The following SMYD3 variants were observed in gnomAD, a reference collection of about 807,000 sequenced individuals.
The protein encoded by SMYD3 is SET and MYND domain containing 3.
In SMYD3, 36 loss-of-function variants were observed where a neutral mutation model predicts 57.7. That is an observed-to-expected ratio of 0.62 (90% confidence interval 0.48 to 0.82). The LOEUF (loss-of-function observed/expected upper bound fraction) is 0.82, where lower values mean the gene tolerates loss of function less well. SMYD3 is among the 40% of genes least tolerant of loss of function. The pLI, the probability that SMYD3 is intolerant of heterozygous loss-of-function variation, is 0.00. For missense variants in SMYD3, 515 were observed against 538.8 expected (o/e 0.96, Z 0.44); for synonymous variants, 211 against 195.0 (o/e 1.08, Z -0.68).
chr1:246,047,895 T>C (rs2059997844), intron 5 of SMYD3, among the ~76,000 whole-genome samples: 2 of 151,894 alleles, frequency 1.3e-5, no homozygotes, highest in South Asian at 4.2e-4. Flanking sequence ...TAAGCAAAGA[T>C]ACCCACGACA....
At chr1:246,135,892 T>C (rs1206875258) in intron 5 of SMYD3, among the ~76,000 whole-genome samples, 1 of 152,184 alleles carries the variant, frequency 6.6e-6, no homozygotes, top group Admixed American at 6.5e-5. Context: ...TGTCCTGTTT[T>C]TTAAAGGCCT....
intron 1 of SMYD3, among the ~76,000 whole-genome samples, chr1:246,392,723 T>C (rs532251199): frequency 8.4e-4 from 127 of 151,254 alleles, no homozygotes; most frequent in Admixed American, 2.0e-3. Flanking sequence ...GCTGGGATTA[T>C]AGGTGTGAGC....
intron 5 of SMYD3, among the ~76,000 whole-genome samples, chr1:246,318,436 A>G (rs1440472441): frequency 6.6e-6 from 1 of 152,250 alleles, no homozygotes; most frequent in African/African-American, 2.4e-5. Context: ...GTGCTCCACA[A>G]AACGGAAAAG....
At chr1:246,088,323 C>T (rs1045258838) in intron 5 of SMYD3, among the ~76,000 whole-genome samples, 27 of 152,084 alleles carry the variant, frequency 1.8e-4, no homozygotes, top group Admixed American at 5.9e-4. Flanking sequence ...CCATTTCTCC[C>T]GGCTTAAAAG....
chr1:245,812,104 C>T (rs74566579), intron 10 of SMYD3, among the ~76,000 whole-genome samples: 11,329 of 152,132 alleles, frequency 0.074, 495 homozygotes, highest in East Asian at 0.17. Flanking sequence ...GCATGATCTC[C>T]GGGATACGAG....
chr1:246,169,381 CAAAAAA>C (rs55719556), intron 5 of SMYD3, among the ~76,000 whole-genome samples: 2 of 61,884 alleles, frequency 3.2e-5, no homozygotes, highest in Non-Finnish European at 5.7e-5. Context: ...GACTTTCTTT[CAAAAAA>C]AAAAAAAAAA....
intron 5 of SMYD3, among the ~76,000 whole-genome samples, chr1:246,099,699 A>G (rs1373595621): frequency 6.6e-5 from 10 of 152,236 alleles, no homozygotes; most frequent in African/African-American, 2.4e-4. Context: ...GCATAATTTA[A>G]TAAGATCTTC....
intron 5 of SMYD3, among the ~76,000 whole-genome samples, chr1:245,956,580 C>G (rs1168019178): frequency 6.6e-6 from 1 of 152,194 alleles, no homozygotes; most frequent in Admixed American, 6.5e-5. Context: ...CACAAGAATT[C>G]CTTTCTTCTC....
At chr1:245,767,482 T>A (rs75404452) in intron 10 of SMYD3, among the ~76,000 whole-genome samples, 5,203 of 152,298 alleles carry the variant, frequency 0.034, 206 homozygotes, top group Admixed American at 0.11. Flanking sequence ...CTGGTCAATA[T>A]GGTGAAACCC....
chr1:245,793,223 C>T (rs375276989), intron 10 of SMYD3, among the ~76,000 whole-genome samples: 6 of 151,692 alleles, frequency 4.0e-5, no homozygotes, highest in Non-Finnish European at 5.9e-5. Context: ...GCAGGAGAAT[C>T]GCTTGAACCC....
chr1:246,482,087 G>T (rs772556856), intron 1 of SMYD3, among the ~76,000 whole-genome samples: 1 of 152,076 alleles, frequency 6.6e-6, no homozygotes, highest in Non-Finnish European at 1.5e-5. Context: ...AAGCCCAGGA[G>T]GTCAAGCCTG....
chr1:245,928,993 C>T (rs988577649), intron 6 of SMYD3, among the ~76,000 whole-genome samples: 2 of 152,310 alleles, frequency 1.3e-5, no homozygotes, highest in African/African-American at 2.4e-5. Flanking sequence ...TATGTAGAAA[C>T]ACTTTCTTGC....
chr1:246,264,065 A>T (rs1430140728), intron 5 of SMYD3, among the ~76,000 whole-genome samples: 1 of 152,144 alleles, frequency 6.6e-6, no homozygotes, highest in African/African-American at 2.4e-5. Context: ...TGCCTTTTTA[A>T]AAACTTTGTA....
chr1:245,994,239 C>T (rs950136082), intron 5 of SMYD3, among the ~76,000 whole-genome samples: 4 of 152,206 alleles, frequency 2.6e-5, no homozygotes, highest in African/African-American at 7.2e-5. Context: ...TCTGCCCACA[C>T]GAGGTGCTTC....
chr1:245,990,877 G>A (rs6426242), intron 5 of SMYD3, among the ~76,000 whole-genome samples: 17,931 of 152,258 alleles, frequency 0.12, 1,472 homozygotes, highest in East Asian at 0.44. Flanking sequence ...CAGAAAGTGA[G>A]TGCACTGACT....
At chr1:246,056,064 C>A (rs1336033414) in intron 5 of SMYD3, among the ~76,000 whole-genome samples, 4 of 152,076 alleles carry the variant, frequency 2.6e-5, no homozygotes, top group African/African-American at 7.2e-5. Context: ...AAAAGTGGCA[C>A]AGAAATATTT....
chr1:246,335,375 A>C lies in SMYD3; in HGVS notation c.328T>G (p.Phe110Val). 1 of 1,614,016 alleles carries C rather than the reference A, an allele frequency of 6.2e-7. No homozygotes were observed. Among genetic ancestry groups the C allele is most frequent in the Non-Finnish European group, 8.5e-7 (1 of 1,179,880 alleles). ...DSVRLLGRVV[F>V]KLMDGAPSES... Reference sequence around the variant, plus strand: ...ATGAGTTTTATACTCACAAGTTTGAAGACAACTCTGCCAAGAAGTCGAACG... The same window carrying C: ...ATGAGTTTTATACTCACAAGTTTGACGACAACTCTGCCAAGAAGTCGAACG... The change falls in exon 3 of 12, where the codon TTC (phenylalanine) becomes GTC (valine). Residue 110 changes from phenylalanine to valine, a missense_variant. By Grantham distance (50) the Phe-to-Val change is conservative (BLOSUM62 -1). Transcript: ENST00000490107.
intron 1 of SMYD3, among the ~76,000 whole-genome samples, chr1:246,360,741 G>A (rs1262078602): frequency 1.3e-5 from 2 of 152,100 alleles, no homozygotes; most frequent in Admixed American, 6.5e-5. Context: ...CAATTGGCAA[G>A]CCACCTATAG....
intron 5 of SMYD3, among the ~76,000 whole-genome samples, chr1:246,048,031 T>G (rs2060000846): frequency 6.6e-6 from 1 of 152,056 alleles, no homozygotes; most frequent in Non-Finnish European, 1.5e-5. Context: ...CGTAAAATGT[T>G]GAACAAAGTG....
Sources: gnomAD v4.1 joint callset for allele counts (sites outside exome capture counted in the v4.1 genomes callset) on GRCh38, gnomAD v4.1.1 for gene constraint, MANE v1.5 for transcripts, NCBI Gene and HGNC (gene_info 2026-07-23, HGNC 2026-07-21) for gene names.